The following RABGAP1L variants were observed in gnomAD, a reference collection of about 807,000 sequenced individuals.
RABGAP1L encodes the protein RAB GTPase activating protein 1 like, also known as rab GTPase-activating protein 1-like.
In RABGAP1L, 63 loss-of-function variants were observed where a neutral mutation model predicts 137.7. That is an observed-to-expected ratio of 0.46 (90% CI 0.37 to 0.56). The LOEUF (loss-of-function observed/expected upper bound fraction) is 0.56. RABGAP1L is among the 20% of genes least tolerant of loss of function. RABGAP1L has a pLI of 0.00. For missense variants in RABGAP1L, 1,095 were observed against 1,244.0 expected (o/e 0.88, Z 1.80); for synonymous variants, 431 against 433.7 (o/e 0.99, Z 0.08).
chr1:174,324,403 A>T (rs1680265833), intron 11 of RABGAP1L, among the ~76,000 whole-genome samples: 1 of 152,166 alleles, frequency 6.6e-6, no homozygotes, highest in Non-Finnish European at 1.5e-5. Context: ...GATGCCAGCA[A>T]ATGAGATAGG....
intron 13 of RABGAP1L, among the ~76,000 whole-genome samples, chr1:174,633,156 C>T (rs1673585726): frequency 6.6e-6 from 1 of 150,932 alleles, no homozygotes; most frequent in Non-Finnish European, 1.5e-5. Context: ...CCCAAAATCT[C>T]CTTAAGCTGA....
chr1:174,756,979 G>C (rs1684815680), intron 18 of RABGAP1L: 5 of 934,552 alleles, frequency 5.4e-6, no homozygotes, highest in Non-Finnish European at 8.1e-6. Context: ...CCAGAAACTG[G>C]CCAAGGACAA....
rs541047120 is a variant in RABGAP1L, at chr1:174,888,055, G to T, written c.2341-69402G>T. Among the ~76,000 whole-genome samples the T allele has an allele frequency of 7.2e-5, 11 of 151,798 alleles. No individual in the cohort carries two copies. The East Asian group carries it at 2.1e-3, about 29-fold the overall frequency. ...TCATATCAAAAGAAAAAAAAAATAC[G>T]ATTACAAAAATAGACAGAAATCAGA... On this transcript the variant is annotated intron_variant, in intron 19 of 25. Transcript: ENST00000681986.
At chr1:174,666,985 CAAAAAAAAAA>C (rs35100174) in intron 14 of RABGAP1L, among the ~76,000 whole-genome samples, 8 of 119,276 alleles carry the variant, frequency 6.7e-5, no homozygotes, top group African/African-American at 2.3e-4. Flanking sequence ...AGTTACAAGG[CAAAAAAAAAA>C]AAAAAAAGTC....
At chr1:174,714,494 A>G (rs533506611) in intron 17 of RABGAP1L, among the ~76,000 whole-genome samples, 6 of 152,380 alleles carry the variant, frequency 3.9e-5, no homozygotes, top group East Asian at 3.9e-4. Flanking sequence ...GAAAATAGGA[A>G]TGAAGAAGTA....
intron 7 of RABGAP1L, among the ~76,000 whole-genome samples, chr1:174,270,666 A>G (rs2148658249): frequency 6.6e-6 from 1 of 152,262 alleles, no homozygotes; most frequent in Admixed American, 6.5e-5. Context: ...CAAAAAGAAC[A>G]AAAAGAAAGA....
At chr1:174,934,310 A>G (rs1294319150) in intron 19 of RABGAP1L, among the ~76,000 whole-genome samples, 2 of 151,740 alleles carry the variant, frequency 1.3e-5, no homozygotes, top group Non-Finnish European at 2.9e-5. Context: ...CTGGTCTCGA[A>G]CTCCTGACCT....
intron 19 of RABGAP1L, among the ~76,000 whole-genome samples, chr1:174,879,392 A>G (rs1653772707): frequency 7.5e-6 from 1 of 133,600 alleles, no homozygotes; most frequent in Non-Finnish European, 1.5e-5. Context: ...GTCACGGTGC[A>G]CAGCCTTTTT....
chr1:174,597,436 T>A (rs915758618), intron 13 of RABGAP1L, among the ~76,000 whole-genome samples: 2 of 152,154 alleles, frequency 1.3e-5, no homozygotes, highest in African/African-American at 2.4e-5. Context: ...CCTGGTTCAA[T>A]CTTGGTAGGT....
At chr1:174,781,222 C>T (rs1351639479) in intron 18 of RABGAP1L, among the ~76,000 whole-genome samples, 1 of 152,210 alleles carries the variant, frequency 6.6e-6, no homozygotes, top group African/African-American at 2.4e-5. Flanking sequence ...CACATCCTCT[C>T]CAGCACCTGT....
chr1:174,886,675 T>C (rs1573666801), intron 19 of RABGAP1L, among the ~76,000 whole-genome samples: 3 of 152,226 alleles, frequency 2.0e-5, no homozygotes, highest in South Asian at 4.1e-4. Context: ...CTGAAATCCA[T>C]ATGCCTTCTA....
chr1:174,973,188 A>G (rs1406818673), intron 21 of RABGAP1L, among the ~76,000 whole-genome samples: 3 of 152,202 alleles, frequency 2.0e-5, no homozygotes, highest in Non-Finnish European at 4.4e-5. Flanking sequence ...AGGACCCACA[A>G]CAATTGCTGC....
chr1:174,351,728 A>G (rs1463570018), intron 11 of RABGAP1L, among the ~76,000 whole-genome samples: 2 of 151,938 alleles, frequency 1.3e-5, no homozygotes, highest in African/African-American at 4.8e-5. Flanking sequence ...TTGGTGTTCT[A>G]TAACCTTTTT....
intron 19 of RABGAP1L, among the ~76,000 whole-genome samples, chr1:174,851,394 C>T (rs952984959): frequency 6.6e-6 from 1 of 152,074 alleles, no homozygotes; most frequent in Non-Finnish European, 1.5e-5. Context: ...AGAATATGCT[C>T]TGCTGTCTTT....
chr1:174,817,110 T>A (rs1233124559), intron 19 of RABGAP1L, among the ~76,000 whole-genome samples: 4 of 152,212 alleles, frequency 2.6e-5, no homozygotes, highest in African/African-American at 7.2e-5. Context: ...TACGATGGAC[T>A]TCAGTAGTAG....
At chr1:174,469,752 G>A (rs1382724439) in intron 13 of RABGAP1L, among the ~76,000 whole-genome samples, 1 of 152,066 alleles carries the variant, frequency 6.6e-6, no homozygotes, top group Non-Finnish European at 1.5e-5. Flanking sequence ...AAAGCTGTTG[G>A]ACTGGAACAA....
chr1:174,301,668 C>A (rs1677721685), intron 10 of RABGAP1L, among the ~76,000 whole-genome samples: 1 of 152,076 alleles, frequency 6.6e-6, no homozygotes. Flanking sequence ...AGGGTGGTCC[C>A]CTACCCAAAG....
chr1:174,639,045 A>G lies in RABGAP1L; in HGVS notation c.1824+1557A>G, dbSNP rs1455967205. Among the ~76,000 whole-genome samples the G allele has an allele frequency of 2.0e-5, 3 of 152,016 alleles. No homozygotes were observed. The East Asian group carries it at 5.8e-4, about 29-fold the overall frequency. On this transcript the variant is annotated intron_variant, in intron 14 of 25. Coordinates refer to ENST00000681986, the MANE Select transcript of RABGAP1L (RefSeq NM_001366446.1). ...AAAACTTAAAGTGTAATAAAAAAAA[A>G]AAAAAGCACTCACCTACATATTCTA... is the stretch of plus-strand genomic sequence containing the variant.
intron 18 of RABGAP1L, among the ~76,000 whole-genome samples, chr1:174,756,524 G>C (rs1684780068): frequency 6.6e-6 from 1 of 151,912 alleles, no homozygotes; most frequent in South Asian, 2.1e-4. Flanking sequence ...CAAGGACAGT[G>C]ACTTTTCTGC....
Sources: gnomAD v4.1 joint callset for allele counts (sites outside exome capture counted in the v4.1 genomes callset) on GRCh38, gnomAD v4.1.1 for gene constraint, MANE v1.5 for transcripts, NCBI Gene and HGNC (gene_info 2026-07-23, HGNC 2026-07-21) for gene names.